REV3L: variants seen among roughly 807,000 people sequenced by gnomAD.
The protein encoded by REV3L is DNA polymerase zeta catalytic subunit.
REV3L carries 69 observed loss-of-function variants against 299.4 expected under a neutral mutation model. The ratio of observed to expected loss-of-function variants is 0.23; its 90% CI spans 0.19 to 0.28. The LOEUF is 0.28. Ranked by LOEUF, REV3L falls within the 10% of genes least tolerant of loss-of-function variation. The pLI is 1.00. For synonymous variants in REV3L, 1,238 were observed against 1,271.4 expected (o/e 0.97, Z 0.56); for missense variants, 3,128 against 3,693.8 (o/e 0.85, Z 3.97).
In REV3L at chr6:111,441,151, C is replaced by T. The variant is rs185623960; in HGVS notation, c.140-24679G>A. ...TTCTGAAAAGCCCATCAAAGGTATT[C>T]TTCATTTCTGTTATAGATTTTATTT... On this transcript the variant is annotated intron_variant, in intron 1 of 31. Coordinates refer to ENST00000368802, the MANE Select transcript of REV3L (RefSeq NM_001372078.1). 2.4e-3 allele frequency among the ~76,000 whole-genome samples: 364 copies of T among 152,220 alleles called. 1 individual carries two copies. Among genetic ancestry groups the T allele is most frequent in the Admixed American group, 4.5e-3 (69 of 15,292 alleles).
intron 1 of REV3L, among the ~76,000 whole-genome samples, chr6:111,444,609 C>T (rs983526092): frequency 2.0e-5 from 3 of 152,098 alleles, no homozygotes; most frequent in East Asian, 1.9e-4. Context: ...GAAAGTAGAA[C>T]GACTGATAAT....
chr6:111,389,002 C>A, intron 7 of REV3L, 104 bp downstream of exon 7: 1 of 802,638 alleles, frequency 1.2e-6, no homozygotes, highest in Non-Finnish European at 2.0e-6. Context: ...ATATAAAGGT[C>A]ATTTGAAAAG....
intron 9 of REV3L, among the ~76,000 whole-genome samples, chr6:111,382,031 G>A (rs1178591732): frequency 1.3e-5 from 2 of 152,126 alleles, no homozygotes; most frequent in African/African-American, 4.8e-5. Flanking sequence ...TAGTTTTTAA[G>A]TGCTATAAAA....
intron 6 of REV3L, among the ~76,000 whole-genome samples, chr6:111,389,414 G>A (rs187109465): frequency 6.6e-6 from 1 of 152,228 alleles, no homozygotes; most frequent in Non-Finnish European, 1.5e-5. Flanking sequence ...TCCAGCAAGT[G>A]AATACAATTC....
In REV3L at chr6:111,405,515, A is replaced by T. The variant is rs1268498607; in HGVS notation, c.520T>A (p.Leu174Ile). 1 of 1,606,104 alleles carries T rather than the reference A, an allele frequency of 6.2e-7. No homozygotes were observed. The highest frequency in any genetic ancestry group is 1.1e-5 in the South Asian group (1 of 88,344). ...AACTTGACAGCAGCCAGATTTATTA[A>T]ATTCATGCCATAAAGATTGTAGTCA... ...FIDYNLYGMN[L>I]INLAAVKFRK... The change falls in exon 4 of 32, where the codon TTA (leucine) becomes ATA (isoleucine). Residue 174 changes from leucine (L) to isoleucine (I), a missense_variant. Physicochemically the swap from Leu to Ile is conservative, Grantham distance 5. This residue lies in a region of REV3L where 2,409 missense variants were observed against 2,611.8 expected (regional missense o/e 0.92). Coordinates refer to ENST00000368802, the MANE Select transcript of REV3L (RefSeq NM_001372078.1).
At chr6:111,453,850 G>A (rs1273760751) in intron 1 of REV3L, among the ~76,000 whole-genome samples, 6 of 152,088 alleles carry the variant, frequency 3.9e-5, no homozygotes, top group Non-Finnish European at 7.4e-5. Context: ...GCTGGGCGTG[G>A]TGGCGCATGC....
At chr6:111,329,078 C>A (rs17511335) in intron 25 of REV3L, among the ~76,000 whole-genome samples, 16,349 of 149,264 alleles carry the variant, frequency 0.11, 1,157 homozygotes, top group Middle Eastern at 0.23. Context: ...AAGTCTCATT[C>A]TGTCGCCCAG....
Position 111,307,354 on chromosome 6 carries a change from A to T in REV3L, c.9252+7T>A. Reference sequence around the variant, plus strand: ...TGTGATTCTGGGCCCATGGAACAAAACTGTACCTTTACAAGTTGCTCCTGT... The same window carrying T: ...TGTGATTCTGGGCCCATGGAACAAATCTGTACCTTTACAAGTTGCTCCTGT... On this transcript the variant is annotated splice_region_variant and intron_variant, in intron 31 of 31. Transcript: ENST00000368802. 1 of 1,613,216 alleles carries T rather than the reference A, an allele frequency of 6.2e-7. No individual in the cohort carries two copies. The highest frequency in any genetic ancestry group is 8.5e-7 in the Non-Finnish European group (1 of 1,179,250).
At chr6:111,316,476 C>T (rs1212924303) in intron 26 of REV3L, among the ~76,000 whole-genome samples, 2 of 151,700 alleles carry the variant, frequency 1.3e-5, no homozygotes, top group African/African-American at 4.8e-5. Context: ...CCAGCCTGGC[C>T]AACATGGCAA....
chr6:111,386,662 T>C (rs2128250419), intron 9 of REV3L, among the ~76,000 whole-genome samples: 1 of 152,250 alleles, frequency 6.6e-6, no homozygotes, highest in South Asian at 2.1e-4. Context: ...GATATCATTT[T>C]ACAACTTTAT....
chr6:111,341,960 T>C (rs896258633), intron 21 of REV3L, among the ~76,000 whole-genome samples: 21 of 140,824 alleles, frequency 1.5e-4, no homozygotes, highest in African/African-American at 5.0e-4. Context: ...GTTAACAACC[T>C]TGGCATTCAG....
intron 26 of REV3L, among the ~76,000 whole-genome samples, chr6:111,317,821 A>G (rs1773697823): frequency 6.6e-6 from 1 of 152,178 alleles, no homozygotes; most frequent in Admixed American, 6.5e-5. Context: ...AAAATTTTAT[A>G]TAAATGAAAC....
At chr6:111,361,080 T>G (rs568873365) in intron 16 of REV3L, among the ~76,000 whole-genome samples, 1 of 152,150 alleles carries the variant, frequency 6.6e-6, no homozygotes, top group Admixed American at 6.5e-5. Flanking sequence ...ACCAGTTTCA[T>G]TAGAAAGGGA....
At chr6:111,406,904 T>C (rs1275487947) in intron 3 of REV3L, among the ~76,000 whole-genome samples, 1 of 152,236 alleles carries the variant, frequency 6.6e-6, no homozygotes, top group Non-Finnish European at 1.5e-5. Context: ...GCTAACGTAC[T>C]TTATTACAAG....
At chr6:111,320,421 T>C (rs115326710) in intron 26 of REV3L, among the ~76,000 whole-genome samples, 102 of 152,292 alleles carry the variant, frequency 6.7e-4, no homozygotes, top group African/African-American at 2.3e-3. Context: ...GCAGTGTTTC[T>C]CAACCTTTTA....
intron 4 of REV3L, among the ~76,000 whole-genome samples, chr6:111,402,891 C>T (rs552733755): frequency 1.3e-5 from 2 of 152,126 alleles, no homozygotes; most frequent in African/African-American, 4.8e-5. Context: ...ACACTTGACA[C>T]AGAAATTCTA....
intron 1 of REV3L, among the ~76,000 whole-genome samples, chr6:111,416,982 G>C (rs1196970320): frequency 6.6e-6 from 1 of 151,542 alleles, no homozygotes; most frequent in African/African-American, 2.4e-5. Flanking sequence ...GTGGGAAGGA[G>C]GGTAAAAATG....
intron 21 of REV3L, among the ~76,000 whole-genome samples, chr6:111,343,550 G>A (rs781084426): frequency 2.6e-5 from 4 of 152,128 alleles, no homozygotes; most frequent in Non-Finnish European, 4.4e-5. Flanking sequence ...TATTTTTTGA[G>A]ATAGAGTCTC....
At position 111,375,762 on chromosome 6, in the gene REV3L, T is replaced by C; in HGVS notation, c.2593A>G (p.Ser865Gly). ...DNFIQNNPCN[S>G]NPEKDNALAS... ...AATGCATTATCCTTCTCAGGATTAC[T>C]ATTACAAGGATTATTTTGTATAAAA... is the stretch of plus-strand genomic sequence containing the variant. Residue 865 changes from serine (S) to glycine (G), a missense_variant, in exon 13 of 32, where the codon AGT (serine) becomes GGT (glycine). Transcript: ENST00000368802. 3.1e-6 allele frequency: 5 copies of C among 1,613,770 alleles called. No homozygotes were observed. The highest frequency in any genetic ancestry group is 4.2e-6 in the Non-Finnish European group (5 of 1,179,706).
Sources: allele counts gnomAD v4.1 joint callset (sites outside exome capture counted in the v4.1 genomes callset), GRCh38; gene constraint gnomAD v4.1.1; regional missense constraint gnomAD v4.1.1; transcripts MANE v1.5; gene names NCBI Gene and HGNC (gene_info 2026-07-23, HGNC 2026-07-21).